Variants in ASCC3 observed in about 807,000 individuals in gnomAD.
ASCC3 encodes ASC-1 complex subunit P200.
In ASCC3, 158 loss-of-function variants were observed where a neutral mutation model predicts 256.3. That is an observed-to-expected ratio of 0.62 (90% CI 0.54 to 0.70). ASCC3 has a LOEUF of 0.70. ASCC3 is among the 30% of genes least tolerant of loss of function. The probability of loss-of-function intolerance (pLI) is 0.00; values close to 1 mark genes in which losing one functional copy is unlikely to be tolerated. For missense variants in ASCC3, 2,259 were observed against 2,626.0 expected (o/e 0.86, Z 3.05); for synonymous variants, 948 against 883.4 (o/e 1.07, Z -1.30).
intron 4 of ASCC3, among the ~76,000 whole-genome samples, chr6:100,808,805 A>G (rs1295047266): frequency 6.6e-6 from 1 of 151,876 alleles, no homozygotes; most frequent in Non-Finnish European, 1.5e-5. Context: ...AATTACACAA[A>G]CCTAGATGAG....
chr6:100,555,794 G>A (rs1467129574), intron 36 of ASCC3, among the ~76,000 whole-genome samples: 1 of 152,178 alleles, frequency 6.6e-6, no homozygotes, highest in African/African-American at 2.4e-5. Context: ...ACATATAATT[G>A]TGTAAGATTC....
rs1484018071 is a variant in ASCC3, at chr6:100,532,364, G to A, written c.5775+7799C>T. On this transcript the variant is annotated intron_variant, in intron 37 of 41. Transcript: ENST00000369162. ...TGTGTGTGTGTGTGTGTGTGTGTGT[G>A]TGTGTGTATGTGTGTATATATATAT... 7.1e-3 allele frequency among the ~76,000 whole-genome samples: 918 copies of A among 129,312 alleles called. 14 individuals are homozygous for A. Among genetic ancestry groups the A allele is most frequent in the African/African-American group, 0.027 (882 of 32,944 alleles). The allele number at this position is 129,312 out of a possible 152,430, so 84.8% of individuals were successfully genotyped here. A position where few individuals can be genotyped will look rare whatever the true frequency, so the allele number is the denominator to read the frequency against.
At chr6:100,519,323 G>A (rs191333433) in intron 37 of ASCC3, among the ~76,000 whole-genome samples, 1 of 152,096 alleles carries the variant, frequency 6.6e-6, no homozygotes, top group Non-Finnish European at 1.5e-5. Context: ...CCATTAACCT[G>A]CTAGATATAC....
chr6:100,676,984 A>G (rs1296072578), intron 14 of ASCC3, among the ~76,000 whole-genome samples: 1 of 152,178 alleles, frequency 6.6e-6, no homozygotes, highest in Non-Finnish European at 1.5e-5. Flanking sequence ...CTAAATTTCT[A>G]TGTACTGCTG....
intron 10 of ASCC3, among the ~76,000 whole-genome samples, chr6:100,745,056 C>T (rs1012491528): frequency 7.9e-5 from 12 of 152,064 alleles, no homozygotes; most frequent in East Asian, 1.9e-4. Flanking sequence ...GGGCCAGGTG[C>T]GGGGGCTCAC....
chr6:100,698,316 T>C (rs913315591), intron 13 of ASCC3, among the ~76,000 whole-genome samples: 5 of 152,070 alleles, frequency 3.3e-5, no homozygotes, highest in Non-Finnish European at 4.4e-5. Flanking sequence ...AAGTATTCCT[T>C]TGAAAATGAG....
At chr6:100,588,428 C>A (rs1041653707) in intron 36 of ASCC3, among the ~76,000 whole-genome samples, 2 of 152,088 alleles carry the variant, frequency 1.3e-5, no homozygotes, top group Non-Finnish European at 2.9e-5. Context: ...CCAGAGAAAT[C>A]CTACTTTTAT....
At chr6:100,591,932 A>C (rs1164353634) in intron 34 of ASCC3, among the ~76,000 whole-genome samples, 1 of 151,884 alleles carries the variant, frequency 6.6e-6, no homozygotes, top group Non-Finnish European at 1.5e-5. Flanking sequence ...AAAAAATTAC[A>C]GGTTCTTTTA....
intron 34 of ASCC3, among the ~76,000 whole-genome samples, chr6:100,590,492 C>G (rs562109131): frequency 6.6e-6 from 1 of 152,062 alleles, no homozygotes; most frequent in Non-Finnish European, 1.5e-5. Context: ...GAAACAGATC[C>G]GAAGAGCAAG....
At chr6:100,748,325 TA>T (rs371645955) in intron 10 of ASCC3, among the ~76,000 whole-genome samples, 13 of 149,058 alleles carry the variant, frequency 8.7e-5, no homozygotes, top group Middle Eastern at 3.4e-3. Context: ...GGGGAGAAAT[TA>T]AAAAAAAAAT....
intron 4 of ASCC3, among the ~76,000 whole-genome samples, chr6:100,806,520 A>T (rs1770190696): frequency 6.6e-6 from 1 of 151,902 alleles, no homozygotes; most frequent in Admixed American, 6.6e-5. Context: ...ACATAATTGC[A>T]CAATATAACT....
chr6:100,687,132 T>C (rs894960106), intron 13 of ASCC3, among the ~76,000 whole-genome samples: 7 of 150,462 alleles, frequency 4.7e-5, no homozygotes, highest in African/African-American at 1.5e-4. Flanking sequence ...AAAATATCAA[T>C]TGAAGAAAAA....
chr6:100,627,634 T>C lies in ASCC3; in HGVS notation c.4598A>G (p.His1533Arg). Reference protein sequence around the residue: ...EVHIQGFPGQHYCPRMASMNK... With the variant: ...EVHIQGFPGQRYCPRMASMNK... ...CATACTAGCCATACGAGGACAGTAATGTTGACCTGGAAAGCCTTGAATGTG... is the reference window on the plus strand; with the variant it reads ...CATACTAGCCATACGAGGACAGTAACGTTGACCTGGAAAGCCTTGAATGTG... The change falls in exon 29 of 42, where the codon CAT (histidine) becomes CGT (arginine). Residue 1533 changes from histidine to arginine, a missense_variant. His to Arg is a conservative substitution (Grantham distance 29). Around this residue, in one of 2 missense-constraint regions of ASCC3, gnomAD observed 1,839 missense variants for 2,206.7 expected, o/e 0.83. Coordinates refer to ENST00000369162, the MANE Select transcript of ASCC3 (RefSeq NM_006828.4). The C allele has an allele frequency of 6.2e-7, 1 of 1,613,620 alleles. No individual in the cohort carries two copies. The highest frequency in any genetic ancestry group is 8.5e-7 in the Non-Finnish European group (1 of 1,179,736).
intron 3 of ASCC3, among the ~76,000 whole-genome samples, chr6:100,849,882 C>G (rs1408050365): frequency 6.6e-6 from 1 of 151,830 alleles, no homozygotes; most frequent in Admixed American, 6.6e-5. Flanking sequence ...GGTGGATCAC[C>G]TGAGGTCAGC....
chr6:100,858,590 T>C (rs1773072576), intron 3 of ASCC3: 1 of 986,508 alleles, frequency 1.0e-6, no homozygotes, highest in African/African-American at 1.7e-5. Context: ...TTTATTACTT[T>C]ACAACAAATC....
At chr6:100,599,891 T>C (rs1006562283) in intron 34 of ASCC3, among the ~76,000 whole-genome samples, 7 of 152,162 alleles carry the variant, frequency 4.6e-5, no homozygotes, top group Admixed American at 3.3e-4. Context: ...GAACAGCAGC[T>C]CAAAATCGAC....
intron 16 of ASCC3, among the ~76,000 whole-genome samples, chr6:100,657,177 G>C (rs1775955488): frequency 6.6e-6 from 1 of 151,170 alleles, no homozygotes. Flanking sequence ...TACTAAAACA[G>C]AGAAATGACC....
At chr6:100,684,920 C>A (rs1777494380) in intron 13 of ASCC3, among the ~76,000 whole-genome samples, 2 of 151,398 alleles carry the variant, frequency 1.3e-5, no homozygotes, top group South Asian at 4.2e-4. Flanking sequence ...CATTCTCCTG[C>A]CTCAGCCTCC....
intron 34 of ASCC3, among the ~76,000 whole-genome samples, chr6:100,591,621 C>CT (rs1353621359): frequency 2.0e-5 from 3 of 151,922 alleles, no homozygotes; most frequent in South Asian, 4.1e-4. Context: ...TCAAACTATT[C>CT]TTTTTTTAAA....
Sources: gnomAD v4.1 joint callset for allele counts (sites outside exome capture counted in the v4.1 genomes callset) on GRCh38, gnomAD v4.1.1 for gene constraint, gnomAD v4.1.1 regional missense constraint, MANE v1.5 for transcripts, NCBI Gene and HGNC (gene_info 2026-07-23, HGNC 2026-07-21) for gene names.